Variants in XPR1 observed in about 807,000 individuals in gnomAD.
XPR1 encodes the protein solute carrier family 53 member 1.
Under a neutral mutation model 87.5 loss-of-function variants are expected in XPR1, and 28 were observed. The observed-to-expected ratio is 0.32, with a 90% CI of 0.24 to 0.44. The LOEUF is 0.44. Ranked by LOEUF, XPR1 falls within the 20% of genes least tolerant of loss-of-function variation. XPR1 has a pLI of 1.00. For missense variants in XPR1, 559 were observed against 862.3 expected, an observed-to-expected ratio of 0.65 and a Z score of 4.41; for synonymous variants, 300 against 306.1, an observed-to-expected ratio of 0.98 and a Z score of 0.21.
intron 11 of XPR1, among the ~76,000 whole-genome samples, chr1:180,848,070 A>C (rs575778909): frequency 1.1e-4 from 17 of 152,290 alleles, no homozygotes; most frequent in African/African-American, 3.8e-4. Flanking sequence ...AATTGATACA[A>C]GATAATTATA....
chr1:180,655,063 C>T (rs1013811571), intron 1 of XPR1, among the ~76,000 whole-genome samples: 1 of 152,142 alleles, frequency 6.6e-6, no homozygotes, highest in Non-Finnish European at 1.5e-5. Context: ...TGCACAATTT[C>T]TCCACCTTTT....
At chr1:180,882,773 A>G (rs145373318) in intron 14 of XPR1, among the ~76,000 whole-genome samples, 2 of 152,256 alleles carry the variant, frequency 1.3e-5, no homozygotes, top group East Asian at 3.9e-4. Flanking sequence ...CTCTCACATA[A>G]CTTATAATGA....
chr1:180,743,483 G>T (rs996891485), intron 2 of XPR1, among the ~76,000 whole-genome samples: 5 of 151,994 alleles, frequency 3.3e-5, no homozygotes, highest in African/African-American at 1.2e-4. Context: ...AACTCCATTA[G>T]ACAAGATTAT....
chr1:180,659,333 TTCCTTCCG>T (rs1278425537), intron 1 of XPR1, among the ~76,000 whole-genome samples: 9 of 135,344 alleles, frequency 6.6e-5, no homozygotes, highest in African/African-American at 2.0e-4. Flanking sequence ...TCTTCCTTCC[TTCCTTCCG>T]TCCTTCCTTC....
At chr1:180,712,270 T>C (rs12070064) in intron 2 of XPR1, among the ~76,000 whole-genome samples, 6,548 of 152,278 alleles carry the variant, frequency 0.043, 502 homozygotes, top group African/African-American at 0.15. Context: ...GCCTGATAAC[T>C]GAGATGGCTA....
rs1314917218 is a variant in XPR1 at position 180,712,979 on chromosome 1, G to C, written c.121+30568G>C. On this transcript the variant is annotated intron_variant, in intron 2 of 14. Transcript: ENST00000367590. ...TTTCAAAGTAGTTTTGTCTATTCTAGGTCCTTTGCATTTTCTTATGTATTT... is the reference window on the plus strand; with the variant it reads ...TTTCAAAGTAGTTTTGTCTATTCTACGTCCTTTGCATTTTCTTATGTATTT... Among the ~76,000 whole-genome samples the C allele has an allele frequency of 2.9e-5, 4 of 138,030 alleles. No homozygotes were observed. The East Asian group carries it at 8.4e-4, about 29-fold the overall frequency. 90.6% of individuals were successfully genotyped at this position (138,030 alleles called of 152,430 possible).
At chr1:180,799,287 A>G (rs1190670719) in intron 3 of XPR1, among the ~76,000 whole-genome samples, 2 of 152,174 alleles carry the variant, frequency 1.3e-5, no homozygotes, top group African/African-American at 2.4e-5. Context: ...AACCACTCCT[A>G]CTTCTACCCC....
intron 1 of XPR1, among the ~76,000 whole-genome samples, chr1:180,638,348 T>C (rs1654855273): frequency 6.6e-6 from 1 of 152,192 alleles, no homozygotes; most frequent in African/African-American, 2.4e-5. Context: ...GGATTTGACA[T>C]AATAAAAGTT....
At chr1:180,664,024 T>G (rs990171927) in intron 1 of XPR1, among the ~76,000 whole-genome samples, 2 of 152,158 alleles carry the variant, frequency 1.3e-5, no homozygotes, top group African/African-American at 4.8e-5. Context: ...GGACTCACGC[T>G]TCAGGTCAGT....
chr1:180,782,830 T>G (rs921385126), intron 2 of XPR1, among the ~76,000 whole-genome samples: 2 of 151,920 alleles, frequency 1.3e-5, no homozygotes, highest in African/African-American at 4.8e-5. Flanking sequence ...TAAAATACAG[T>G]GATTTTTCTA....
At chr1:180,876,479 T>C (rs1652667108) in intron 13 of XPR1, among the ~76,000 whole-genome samples, 2 of 151,892 alleles carry the variant, frequency 1.3e-5, no homozygotes, top group South Asian at 4.2e-4. Context: ...CTACTAAAAA[T>C]AGAAAAATTA....
chr1:180,774,965 G>T (rs1020016871), intron 2 of XPR1, among the ~76,000 whole-genome samples: 4 of 152,148 alleles, frequency 2.6e-5, no homozygotes, highest in African/African-American at 9.7e-5. Flanking sequence ...CTCTGGAGGG[G>T]TCCAACACTA....
At position 180,651,056 on chromosome 1, in the gene XPR1, A is replaced by G. The variant is rs1291650492; in HGVS notation, c.69+18786A>G. 5.3e-5 allele frequency among the ~76,000 whole-genome samples: 8 copies of G among 152,176 alleles called. No homozygotes were observed. The East Asian group carries it at 1.5e-3, about 29-fold the overall frequency. On this transcript the variant is annotated intron_variant, in intron 1 of 14. Transcript: ENST00000367590. ...CATAACAGGACCCCCTTTCGATGTC[A>G]TAAAGTATCTTGGAAACTGAATGAT...
intron 1 of XPR1, among the ~76,000 whole-genome samples, chr1:180,658,626 G>A (rs1478853732): frequency 6.6e-6 from 1 of 151,874 alleles, no homozygotes; most frequent in Non-Finnish European, 1.5e-5. Flanking sequence ...GTGCAGTGGC[G>A]CGATCTTGGC....
chr1:180,663,012 TA>T (rs1248209668), intron 1 of XPR1, among the ~76,000 whole-genome samples: 1 of 152,208 alleles, frequency 6.6e-6, no homozygotes, highest in Admixed American at 6.5e-5. Context: ...ATTTATCTGA[TA>T]GGGTTCTGAA....
intron 2 of XPR1, among the ~76,000 whole-genome samples, chr1:180,720,018 AT>A (rs760746684): frequency 5.3e-5 from 8 of 151,482 alleles, no homozygotes; most frequent in African/African-American, 1.9e-4. Context: ...CATCTTTCTA[AT>A]TTTTTTTTCT....
chr1:180,783,605 TTC>T (rs1452906923), intron 2 of XPR1, among the ~76,000 whole-genome samples: 19 of 152,058 alleles, frequency 1.2e-4, no homozygotes, highest in Admixed American at 2.0e-4. Context: ...GCTATATATA[TTC>T]TGTTATTTAT....
intron 2 of XPR1, among the ~76,000 whole-genome samples, chr1:180,783,879 AC>A: frequency 1.3e-5 from 2 of 151,750 alleles, no homozygotes; most frequent in East Asian, 3.9e-4. Context: ...ACATGGCGAA[AC>A]CCCATCTCTA....
chr1:180,794,160 T>G (rs1313067733), intron 3 of XPR1, among the ~76,000 whole-genome samples: 1 of 152,352 alleles, frequency 6.6e-6, no homozygotes, highest in African/African-American at 2.4e-5. Context: ...ACCTAGATGG[T>G]ATATCCTATT....
Sources: gnomAD v4.1 joint callset for allele counts (sites outside exome capture counted in the v4.1 genomes callset) on GRCh38, gnomAD v4.1.1 for gene constraint, MANE v1.5 for transcripts, NCBI Gene and HGNC (gene_info 2026-07-23, HGNC 2026-07-21) for gene names.